The following FAM3C variants were observed in gnomAD, a reference collection of about 807,000 sequenced individuals.
FAM3C encodes FAM3 metabolism regulating signaling molecule C.
Under a neutral mutation model 32.5 loss-of-function variants are expected in FAM3C, and 15 were observed. The observed-to-expected ratio is 0.46, with a 90% CI of 0.31 to 0.71. The LOEUF (loss-of-function observed/expected upper bound fraction) is 0.71. FAM3C is among the 30% of genes least tolerant of loss of function. The pLI is 0.05. For missense variants in FAM3C, 175 were observed against 274.4 expected (o/e 0.64, Z 2.56); for synonymous variants, 75 against 86.1 (o/e 0.87, Z 0.72).
chr7:121,359,516 G>A lies in FAM3C; in HGVS notation c.467+527C>T, dbSNP rs756453685. 6.6e-5 allele frequency among the ~76,000 whole-genome samples: 10 copies of A among 152,004 alleles called. No individual in the cohort carries two copies. The East Asian group carries it at 1.9e-3, about 29-fold the overall frequency. On this transcript the variant is annotated intron_variant, in intron 8 of 9. Coordinates refer to ENST00000359943, the MANE Select transcript of FAM3C (RefSeq NM_014888.3). ...CTAAAATATCATCAATGTTTACACT[G>A]GGTAGTGAGATGGACTGGAACTTGG...
chr7:121,375,532 T>C (rs1794222491), intron 3 of FAM3C, among the ~76,000 whole-genome samples: 1 of 152,066 alleles, frequency 6.6e-6, no homozygotes, highest in African/African-American at 2.4e-5. Flanking sequence ...AGTGGTGAGA[T>C]AGGCAGATAT....
chr7:121,359,802 C>CAAA (rs1254314668), intron 8 of FAM3C, among the ~76,000 whole-genome samples: 1 of 151,764 alleles, frequency 6.6e-6, no homozygotes, highest in Non-Finnish European at 1.5e-5. Flanking sequence ...TGTTAAAAAA[C>CAAA]AAAACATAAA....
chr7:121,354,410 T>C (rs1008239833), intron 8 of FAM3C, among the ~76,000 whole-genome samples: 4 of 152,162 alleles, frequency 2.6e-5, no homozygotes, highest in Non-Finnish European at 4.4e-5. Flanking sequence ...CAGAGAACGG[T>C]ATCAGGTTTT....
chr7:121,384,682 T>C (rs1399182974), intron 1 of FAM3C, among the ~76,000 whole-genome samples: 1 of 152,198 alleles, frequency 6.6e-6, no homozygotes, highest in African/African-American at 2.4e-5. Flanking sequence ...AAGACCACAA[T>C]ATAAGCAATG....
chr7:121,383,592 C>T (rs1794405480), intron 1 of FAM3C, among the ~76,000 whole-genome samples: 1 of 152,138 alleles, frequency 6.6e-6, no homozygotes, highest in Non-Finnish European at 1.5e-5. Context: ...AAGTACAGAA[C>T]TGCAATTTTA....
intron 5 of FAM3C, among the ~76,000 whole-genome samples, chr7:121,369,083 G>A (rs2116910667): frequency 6.7e-6 from 1 of 148,970 alleles, no homozygotes; most frequent in East Asian, 2.1e-4. Context: ...GGGTTCAAGA[G>A]ATTCTCGTGC....
Position 121,351,260 on chromosome 7 carries a change from A to C in FAM3C, c.477T>G (p.Asp159Glu). Reference protein sequence around the residue: ...TYDDGATKLNDEARRLIADLG... With the variant: ...TYDDGATKLNEEARRLIADLG... The stretch of plus-strand genomic sequence containing the variant: ...AATCAGCAATGAGCCGCCGTGCCTC[A>C]TCATTGAGTCTTGAAGAGGGAGAGA... Residue 159 changes from aspartate to glutamate, a missense_variant, in exon 9 of 10, where the codon GAT becomes GAG. By Grantham distance (45) the Asp-to-Glu change is conservative. Transcript: ENST00000359943. The C allele has an allele frequency of 6.2e-7, 1 of 1,613,522 alleles. No homozygotes were observed. Among genetic ancestry groups the C allele is most frequent in the Middle Eastern group, 1.7e-4 (1 of 6,054 alleles).
At chr7:121,361,866 A>T (rs988848252) in intron 7 of FAM3C, among the ~76,000 whole-genome samples, 3 of 152,028 alleles carry the variant, frequency 2.0e-5, no homozygotes, top group Non-Finnish European at 2.9e-5. Context: ...TTTAGTAGAG[A>T]CGGGGTTTCG....
intron 1 of FAM3C, among the ~76,000 whole-genome samples, chr7:121,388,009 G>A (rs1794496462): frequency 6.6e-6 from 1 of 151,980 alleles, no homozygotes; most frequent in Non-Finnish European, 1.5e-5. Context: ...AAATGGAAAG[G>A]AATAAGATGA....
intron 8 of FAM3C, 112 bp downstream of exon 8, chr7:121,359,931 T>G: frequency 1.5e-6 from 1 of 665,196 alleles, no homozygotes; most frequent in East Asian, 2.7e-5. Flanking sequence ...TAGTTGTGTT[T>G]ACCTGGTAGT....
intron 5 of FAM3C, among the ~76,000 whole-genome samples, chr7:121,370,156 G>A (rs747214413): frequency 7.2e-5 from 11 of 152,286 alleles, no homozygotes; most frequent in African/African-American, 2.6e-4. Flanking sequence ...GCCTTATTAT[G>A]CATCAGTAAA....
intron 7 of FAM3C, among the ~76,000 whole-genome samples, chr7:121,362,239 G>T (rs116014112): frequency 1.0e-3 from 157 of 152,284 alleles, no homozygotes; most frequent in African/African-American, 3.7e-3. Flanking sequence ...CCAGTCCCTT[G>T]CCTCTGCGTG....
intron 3 of FAM3C, among the ~76,000 whole-genome samples, chr7:121,375,303 G>A (rs1013798505): frequency 3.3e-5 from 5 of 152,100 alleles, no homozygotes; most frequent in African/African-American, 1.2e-4. Context: ...GAACCAGGAC[G>A]AGCAAAGGTC....
intron 2 of FAM3C, among the ~76,000 whole-genome samples, chr7:121,380,038 T>C (rs1425386275): frequency 1.3e-5 from 2 of 152,204 alleles, no homozygotes; most frequent in African/African-American, 2.4e-5. Flanking sequence ...AGCAAAATTC[T>C]GTTAGGCTTT....
Position 121,375,699 on chromosome 7 carries a change from G to C in FAM3C, c.118+3211C>G, listed in dbSNP as rs114606241. 1.4e-3 allele frequency among the ~76,000 whole-genome samples: 217 copies of C among 152,286 alleles called. 1 individual carries two copies. The highest frequency in any genetic ancestry group is 4.7e-3 in the African/African-American group (195 of 41,562). ...GAACCATCAGCTGCATGTGCACAGT[G>C]ACTATACCACACTGTAGCTTCACCC... On this transcript the variant is annotated intron_variant, in intron 3 of 9. Transcript: ENST00000359943.
At chr7:121,393,611 TGAA>T (rs1454624402) in intron 1 of FAM3C, among the ~76,000 whole-genome samples, 2 of 151,922 alleles carry the variant, frequency 1.3e-5, no homozygotes, top group Non-Finnish European at 2.9e-5. Context: ...AGCAGGCCAA[TGAA>T]GAAGAAAAAG....
chr7:121,358,302 G>A (rs1236001030), intron 8 of FAM3C, among the ~76,000 whole-genome samples: 1 of 151,904 alleles, frequency 6.6e-6, no homozygotes, highest in Non-Finnish European at 1.5e-5. Context: ...ACAAATTTCT[G>A]TATAAATCTT....
chr7:121,370,555 A>T (rs1794125670), intron 5 of FAM3C, among the ~76,000 whole-genome samples: 1 of 152,202 alleles, frequency 6.6e-6, no homozygotes, highest in Non-Finnish European at 1.5e-5. Flanking sequence ...GCAACCAACT[A>T]AAAGTAGGAT....
chr7:121,374,328 A>G (rs1794201753), intron 3 of FAM3C, among the ~76,000 whole-genome samples: 1 of 152,238 alleles, frequency 6.6e-6, no homozygotes, highest in Non-Finnish European at 1.5e-5. Flanking sequence ...AAAATTCATA[A>G]TCGACATTGG....
Sources: allele counts gnomAD v4.1 joint callset (sites outside exome capture counted in the v4.1 genomes callset), GRCh38; gene constraint gnomAD v4.1.1; transcripts MANE v1.5; gene names NCBI Gene and HGNC (gene_info 2026-07-23, HGNC 2026-07-21).